ANKRD36: variants seen among roughly 807,000 people sequenced by gnomAD.
ANKRD36 encodes the protein ankyrin repeat domain-containing protein 36A.
ANKRD36 carries 179 observed loss-of-function variants against 278.1 expected under a neutral mutation model. The ratio of observed to expected loss-of-function variants is 0.64; its 90% CI spans 0.57 to 0.73. ANKRD36 has a LOEUF of 0.73. ANKRD36 is among the 30% of genes least tolerant of loss of function. The pLI is 0.00. For missense variants in ANKRD36, 1,159 were observed against 1,956.7 expected (o/e 0.59, Z 7.69); for synonymous variants, 320 against 641.1 (o/e 0.50, Z 7.57).
intron 16 of ANKRD36, 112 bp from the exon 17 acceptor site, chr2:97,158,476 A>G (rs2048086638): frequency 1.7e-6 from 2 of 1,147,724 alleles, no homozygotes; most frequent in African/African-American, 3.1e-5. Flanking sequence ...ATCTGCCTGC[A>G]TTGGCCCCCC....
At chr2:97,212,841 T>G (rs2065024764) in intron 58 of ANKRD36, 1 of 209,232 alleles carries the variant, frequency 4.8e-6, no homozygotes, top group Non-Finnish European at 9.3e-6. Flanking sequence ...ACCACAGGGG[T>G]GTGAGAAATA....
Position 97,165,998 on chromosome 2 carries a change from C to G in ANKRD36, c.1531+1529C>G, listed in dbSNP as rs1016454803. 2.0e-5 allele frequency among the ~76,000 whole-genome samples: 3 copies of G among 151,550 alleles called. No homozygotes were observed. In the East Asian group the frequency reaches 5.8e-4, roughly 29 times the overall value. On this transcript the variant is annotated intron_variant, in intron 20 of 75. Coordinates refer to ENST00000420699, the MANE Select transcript of ANKRD36 (RefSeq NM_001354587.1). Reference sequence around the variant, plus strand: ...TTGCTGCATTGAGCAGAGACTATGTCATTGTAATTGCAGAAGTTTTAAAAT... The same window carrying G: ...TTGCTGCATTGAGCAGAGACTATGTGATTGTAATTGCAGAAGTTTTAAAAT...
In ANKRD36 at chr2:97,219,872, TAA is replaced by T. The variant is rs994639858; in HGVS notation, c.3877+628_3877+629del. ...GGAATTTCAATAGTTTTTAGCGAAT[TAA>T]AGAGATCAATTTTGATACTGTAAAA... is the stretch of plus-strand genomic sequence containing the variant. On this transcript the variant is annotated intron_variant, in intron 66 of 75. Transcript: ENST00000420699. Among the ~76,000 whole-genome samples, 16 of 145,628 alleles carry T rather than the reference TAA, an allele frequency of 1.1e-4. No homozygotes were observed. In the East Asian group the frequency reaches 3.3e-3, roughly 30 times the overall value.
Position 97,127,102 on chromosome 2 carries a change from G to A in ANKRD36, c.767G>A (p.Arg256Lys), listed in dbSNP as rs4063675. 1 of 1,315,434 alleles carries A rather than the reference G, an allele frequency of 7.6e-7. No individual in the cohort carries two copies. Among genetic ancestry groups the A allele is most frequent in the Non-Finnish European group, 1.0e-6 (1 of 968,032 alleles). 81.5% of individuals were successfully genotyped at this position (1,315,434 alleles called of 1,614,324 possible). ...FDLIYEYERK[R>K]YEDLPINSNP... Reference sequence around the variant, plus strand: ...CTAATTTATGAATACGAAAGAAAGAGATATGAAGATCTTCCTATAAATAGC... The same window carrying A: ...CTAATTTATGAATACGAAAGAAAGAAATATGAAGATCTTCCTATAAATAGC... The change falls in exon 6 of 76, where the codon AGA becomes AAA. Residue 256 changes from arginine to lysine, a missense_variant. Arg to Lys is a conservative substitution (Grantham distance 26). Coordinates refer to ENST00000420699, the MANE Select transcript of ANKRD36 (RefSeq NM_001354587.1).
chr2:97,185,653 C>T (rs1276127859), intron 30 of ANKRD36, 143 bp downstream of exon 30: 18 of 1,100,548 alleles, frequency 1.6e-5, no homozygotes, highest in Admixed American at 4.4e-5. Context: ...AATAAGTTCT[C>T]GGGTGATGCT....
intron 36 of ANKRD36, among the ~76,000 whole-genome samples, chr2:97,191,888 T>C (rs1401926470): frequency 6.6e-6 from 1 of 151,702 alleles, no homozygotes; most frequent in African/African-American, 2.4e-5. Flanking sequence ...ATTTTAGTTA[T>C]AGAAATGAGA....
At chr2:97,172,539 T>C (rs1364398225) in intron 22 of ANKRD36, among the ~76,000 whole-genome samples, 1 of 151,906 alleles carries the variant, frequency 6.6e-6, no homozygotes, top group African/African-American at 2.4e-5. Flanking sequence ...CATGGCTGTG[T>C]TGATTGCACC....
rs1274174723 is a variant in ANKRD36 at position 97,211,688 on chromosome 2, A to T, written c.3416A>T (p.Asp1139Val). ...ATTCAGGCTATCTGTGACAAGGAAG[A>T]TTCTGTTCCGAATATGGCCACGGAA... is the stretch of plus-strand genomic sequence containing the variant. ...PALKAICDKE[D>V]SVPNMATEKK... The change falls in exon 58 of 76, where the codon GAT becomes GTT. Residue 1139 changes from aspartate (D) to valine (V), a missense_variant. Transcript: ENST00000420699. 6 of 1,595,074 alleles carry T rather than the reference A, an allele frequency of 3.8e-6. No individual in the cohort carries two copies. Among genetic ancestry groups the T allele is most frequent in the Middle Eastern group, 1.7e-4 (1 of 6,044 alleles).
chr2:97,202,468 G>A (rs1398829991), intron 48 of ANKRD36, 75 bp downstream of exon 48: 9 of 1,531,020 alleles, frequency 5.9e-6, no homozygotes, highest in East Asian at 4.9e-5. Context: ...ATAAATCAGC[G>A]GGGGGCTCGT....
Position 97,149,260 on chromosome 2 carries a change from T to C in ANKRD36, c.1035-35T>C, listed in dbSNP as rs760888588. 2.8e-5 allele frequency: 42 copies of C among 1,504,216 alleles called. No individual in the cohort carries two copies. The African/African-American group carries it at 4.8e-4, about 17-fold the overall frequency. The allele number at this position is 1,504,216 out of a possible 1,614,324, so 93.2% of individuals were successfully genotyped here. On this transcript the variant is annotated intron_variant, in intron 11 of 75. Coordinates refer to ENST00000420699, the MANE Select transcript of ANKRD36 (RefSeq NM_001354587.1). ...TTTTTGTTTTCTTTTAAGAAATGAA[T>C]GAGCTCATTTTTGTAATATCTTTTT...
chr2:97,225,624 T>C (rs1340197283), intron 67 of ANKRD36, among the ~76,000 whole-genome samples: 1 of 152,122 alleles, frequency 6.6e-6, no homozygotes. Flanking sequence ...CTTTTCTTTT[T>C]TTATTTTATT....
At chr2:97,231,657 G>T (rs1371295511) in intron 67 of ANKRD36, among the ~76,000 whole-genome samples, 2 of 152,104 alleles carry the variant, frequency 1.3e-5, no homozygotes, top group Non-Finnish European at 2.9e-5. Context: ...AGCACCCACT[G>T]TCTGGCACTC....
intron 44 of ANKRD36, 52 bp from the exon 45 acceptor site, chr2:97,200,282 T>C: frequency 2.5e-6 from 4 of 1,606,312 alleles, no homozygotes; most frequent in Admixed American, 1.7e-5. Context: ...AATCTATGGA[T>C]AATTTTATCA....
Position 97,123,471 on chromosome 2 carries a change from C to G in ANKRD36, c.593+478C>G, listed in dbSNP as rs1252920279. On this transcript the variant is annotated intron_variant, in intron 4 of 75. Transcript: ENST00000420699. The stretch of plus-strand genomic sequence containing the variant: ...CTTTAATGAAGACAAGCTTTAGGTT[C>G]ACACAGGACTGGGTTTAATCCCTAG... 1.1e-4 allele frequency among the ~76,000 whole-genome samples: 9 copies of G among 83,990 alleles called. 3 individuals are homozygous for G. The allele number at this position is 83,990 out of a possible 152,430, so 55.1% of individuals were successfully genotyped here. A position where few individuals can be genotyped will look rare whatever the true frequency, so the allele number is the denominator to read the frequency against.
chr2:97,147,640 A>G (rs558608892), intron 11 of ANKRD36, among the ~76,000 whole-genome samples: 1 of 152,014 alleles, frequency 6.6e-6, no homozygotes, highest in Admixed American at 6.6e-5. Context: ...TCTGTCATTG[A>G]GTGATTTTAG....
At chr2:97,224,456 T>TTTTTTTTTTTTG (rs2068728069) in intron 66 of ANKRD36, among the ~76,000 whole-genome samples, 4 of 151,344 alleles carry the variant, frequency 2.6e-5, no homozygotes, top group Admixed American at 2.0e-4. Flanking sequence ...TTTTTTGTTT[T>TTTTTTTTTTTTG]TTTTTTTTTG....
At chr2:97,187,501 G>A (rs980949876) in intron 32 of ANKRD36, 100 bp downstream of exon 32, 30 of 1,360,304 alleles carry the variant, frequency 2.2e-5, no homozygotes, top group Middle Eastern at 2.5e-4. Flanking sequence ...GGGGCTCGCC[G>A]AAGCTGCACA....
intron 15 of ANKRD36, among the ~76,000 whole-genome samples, chr2:97,157,120 GT>G (rs1268959271): frequency 3.4e-5 from 4 of 116,086 alleles, no homozygotes; most frequent in South Asian, 2.5e-4. Flanking sequence ...ATTGGTTTTT[GT>G]TTTTTTTTCC....
intron 38 of ANKRD36, among the ~76,000 whole-genome samples, chr2:97,193,744 G>A (rs1019976446): frequency 6.6e-6 from 1 of 151,600 alleles, no homozygotes; most frequent in African/African-American, 2.4e-5. Context: ...ATGTTTTGTT[G>A]ATTTTAGTTA....
Sources: allele counts gnomAD v4.1 joint callset (sites outside exome capture counted in the v4.1 genomes callset), GRCh38; gene constraint gnomAD v4.1.1; transcripts MANE v1.5; gene names NCBI Gene and HGNC (gene_info 2026-07-23, HGNC 2026-07-21).